RIGI: variants seen among roughly 807,000 people sequenced by gnomAD.
RIGI encodes antiviral innate immune response receptor RIG-I.
the RIGI span, among the ~76,000 whole-genome samples, chr9:32,493,189 G>T: frequency 1.3e-5 from 2 of 152,202 alleles, no homozygotes; most frequent in East Asian, 1.9e-4. Flanking sequence ...TTAACTGCTA[G>T]AGTCTGTAGC....
chr9:32,499,996 T>A, the RIGI span, among the ~76,000 whole-genome samples: 154 of 152,354 alleles, frequency 1.0e-3, no homozygotes, highest in African/African-American at 3.4e-3. Flanking sequence ...CCAGTAATCC[T>A]CTTTTCTCAG....
chr9:32,485,660 C>T, the RIGI span: 29 of 383,818 alleles, frequency 7.6e-5, no homozygotes, highest in Non-Finnish European at 1.3e-4. Context: ...TCTGCCTCAG[C>T]CTCCCAAGTA....
the RIGI span, among the ~76,000 whole-genome samples, chr9:32,525,410 T>C: frequency 6.6e-6 from 1 of 152,176 alleles, no homozygotes; most frequent in Non-Finnish European, 1.5e-5. Context: ...CCACCTCCTT[T>C]CACCTCTTTC....
At chr9:32,518,297 T>G in the RIGI span, among the ~76,000 whole-genome samples, 1 of 151,912 alleles carries the variant, frequency 6.6e-6, no homozygotes, top group South Asian at 2.1e-4. Flanking sequence ...GATGTATTTT[T>G]GGTAAGGAAG....
At chr9:32,496,499 C>T in the RIGI span, among the ~76,000 whole-genome samples, 23 of 152,284 alleles carry the variant, frequency 1.5e-4, no homozygotes, top group Non-Finnish European at 3.1e-4. Flanking sequence ...TTTTCTTGAG[C>T]TCATCATTTC....
At chr9:32,460,579 T>C in the RIGI span, among the ~76,000 whole-genome samples, 1 of 152,090 alleles carries the variant, frequency 6.6e-6, no homozygotes, top group African/African-American at 2.4e-5. Flanking sequence ...TAAATACTTT[T>C]GAAACATAAA....
At chr9:32,519,681 A>G in the RIGI span, among the ~76,000 whole-genome samples, 1 of 152,186 alleles carries the variant, frequency 6.6e-6, no homozygotes, top group Non-Finnish European at 1.5e-5. Context: ...AAGTCTTAAT[A>G]TTCAGAAAAA....
chr9:32,517,501 T>A, the RIGI span, among the ~76,000 whole-genome samples: 1 of 152,246 alleles, frequency 6.6e-6, no homozygotes, highest in Non-Finnish European at 1.5e-5. Context: ...TCACATGACT[T>A]CAGTAAATCT....
the RIGI span, among the ~76,000 whole-genome samples, chr9:32,495,927 G>A: frequency 2.0e-5 from 3 of 152,190 alleles, no homozygotes; most frequent in Non-Finnish European, 4.4e-5. Flanking sequence ...AAAGTGCTGG[G>A]ATTGCCTATT....
the RIGI span, chr9:32,526,040 G>A: frequency 6.3e-7 from 1 of 1,581,438 alleles, no homozygotes; most frequent in South Asian, 1.1e-5. Flanking sequence ...CCGCCGAGAA[G>A]GCGCCGCTGG....
At chr9:32,486,325 C>T in the RIGI span, among the ~76,000 whole-genome samples, 17 of 151,940 alleles carry the variant, frequency 1.1e-4, no homozygotes, top group Non-Finnish European at 2.2e-4. Context: ...TGATGGCACA[C>T]GCTTGTAATT....
At chr9:32,476,987 A>T in the RIGI span, 2 of 1,612,844 alleles carry the variant, frequency 1.2e-6, no homozygotes, top group Middle Eastern at 1.7e-4. Flanking sequence ...GCTTACGTCC[A>T]CAAGTGCTCT....
the RIGI span, among the ~76,000 whole-genome samples, chr9:32,512,413 C>T: frequency 6.6e-6 from 1 of 152,182 alleles, no homozygotes; most frequent in Non-Finnish European, 1.5e-5. Context: ...GCTGGTTCAA[C>T]ATATACAAAT....
chr9:32,455,460 T>C, the RIGI span, among the ~76,000 whole-genome samples: 745 of 152,132 alleles, frequency 4.9e-3, 2 homozygotes, highest in African/African-American at 0.017. Context: ...CAAACACTTA[T>C]AAAACCATCA....
the RIGI span, among the ~76,000 whole-genome samples, chr9:32,513,300 C>T: frequency 1.3e-5 from 2 of 152,200 alleles, no homozygotes; most frequent in African/African-American, 2.4e-5. Context: ...CTGAAGGCAT[C>T]ATGCTACCTG....
the RIGI span, among the ~76,000 whole-genome samples, chr9:32,516,559 G>A: frequency 6.6e-6 from 1 of 152,144 alleles, no homozygotes; most frequent in African/African-American, 2.4e-5. Flanking sequence ...CTGATTGCTA[G>A]GAAGAACAGC....
the RIGI span, among the ~76,000 whole-genome samples, chr9:32,511,915 C>G: frequency 6.6e-6 from 1 of 152,124 alleles, no homozygotes; most frequent in South Asian, 2.1e-4. Flanking sequence ...AGTGATCCCA[C>G]AGAAATACAA....
At chr9:32,478,046 TG>T in the RIGI span, among the ~76,000 whole-genome samples, 1 of 152,040 alleles carries the variant, frequency 6.6e-6, no homozygotes, top group African/African-American at 2.4e-5. Context: ...TATCGGTTTT[TG>T]TTTTTGTTTT....
At chr9:32,503,779 C>T in the RIGI span, among the ~76,000 whole-genome samples, 3 of 152,184 alleles carry the variant, frequency 2.0e-5, no homozygotes, top group Admixed American at 1.3e-4. Flanking sequence ...CAGTGGCTCA[C>T]ACCTCTAATC....
Sources: gnomAD v4.1 joint callset for allele counts (sites outside exome capture counted in the v4.1 genomes callset) on GRCh38, gnomAD v4.1.1 for gene constraint, MANE v1.5 for transcripts, NCBI Gene and HGNC (gene_info 2026-07-23, HGNC 2026-07-21) for gene names.